BTRC: variants seen among roughly 807,000 people sequenced by gnomAD.
BTRC encodes the protein beta-transducin repeat containing E3 ubiquitin protein ligase, also known as F-box/WD repeat-containing protein 1A.
BTRC carries 42 observed loss-of-function variants against 85.5 expected under a neutral mutation model. The ratio of observed to expected loss-of-function variants is 0.49; its 90% CI spans 0.38 to 0.64. The LOEUF (loss-of-function observed/expected upper bound fraction) is 0.64. Ranked by LOEUF, BTRC falls within the 30% of genes least tolerant of loss-of-function variation. BTRC has a pLI of 0.00. For synonymous variants in BTRC, 255 were observed against 263.3 expected, an observed-to-expected ratio of 0.97 and a Z score of 0.30; for missense variants, 594 against 743.5, an observed-to-expected ratio of 0.80 and a Z score of 2.34.
intron 4 of BTRC, among the ~76,000 whole-genome samples, chr10:101,497,912 C>G (rs931001323): frequency 6.6e-6 from 1 of 151,944 alleles, no homozygotes; most frequent in Non-Finnish European, 1.5e-5. Flanking sequence ...CCAAGCTACT[C>G]AGGAGGCTGA....
intron 1 of BTRC, among the ~76,000 whole-genome samples, chr10:101,362,043 C>T (rs1161193365): frequency 6.6e-6 from 1 of 152,168 alleles, no homozygotes; most frequent in Non-Finnish European, 1.5e-5. Flanking sequence ...TCACTGCAAC[C>T]CCCGACTCCC....
chr10:101,510,796 G>A (rs907275852), intron 4 of BTRC, among the ~76,000 whole-genome samples: 2 of 152,050 alleles, frequency 1.3e-5, no homozygotes, highest in Non-Finnish European at 2.9e-5. Flanking sequence ...TTCTCAACAG[G>A]GGATTTCTCC....
At chr10:101,433,594 G>C (rs1195823713) in intron 2 of BTRC, among the ~76,000 whole-genome samples, 1 of 152,162 alleles carries the variant, frequency 6.6e-6, no homozygotes, top group Non-Finnish European at 1.5e-5. Context: ...TGTTGTTTCA[G>C]AGAATAAAGA....
intron 2 of BTRC, among the ~76,000 whole-genome samples, chr10:101,441,672 G>A (rs571384754): frequency 1.3e-5 from 2 of 152,184 alleles, no homozygotes; most frequent in East Asian, 1.9e-4. Flanking sequence ...CTGAGCTCAC[G>A]AATTTGAGAC....
At chr10:101,359,793 C>T (rs1590195998) in intron 1 of BTRC, among the ~76,000 whole-genome samples, 1 of 151,898 alleles carries the variant, frequency 6.6e-6, no homozygotes, top group Non-Finnish European at 1.5e-5. Context: ...AGAGACAGGG[C>T]TTTTCCATGT....
At chr10:101,540,926 A>G (rs759826592) in intron 13 of BTRC, among the ~76,000 whole-genome samples, 13 of 152,332 alleles carry the variant, frequency 8.5e-5, no homozygotes, top group Non-Finnish European at 1.5e-4. Context: ...AGCTTTTAGT[A>G]TAAAGGTTTT....
chr10:101,527,669 G>T (rs903822875), intron 6 of BTRC, among the ~76,000 whole-genome samples: 3 of 151,986 alleles, frequency 2.0e-5, no homozygotes, highest in Admixed American at 2.0e-4. Context: ...TGGGAGGATG[G>T]CTTGAGTCTG....
At chr10:101,411,603 T>C (rs1012386708) in intron 1 of BTRC, among the ~76,000 whole-genome samples, 1 of 152,204 alleles carries the variant, frequency 6.6e-6, no homozygotes, top group Non-Finnish European at 1.5e-5. Flanking sequence ...ATTTCAAACA[T>C]TGTATTTTTC....
At chr10:101,409,324 A>G (rs917273697) in intron 1 of BTRC, among the ~76,000 whole-genome samples, 2 of 152,200 alleles carry the variant, frequency 1.3e-5, no homozygotes, top group African/African-American at 2.4e-5. Context: ...GAAGCATACA[A>G]TATGTGACTT....
intron 4 of BTRC, among the ~76,000 whole-genome samples, chr10:101,503,084 T>G: frequency 6.6e-6 from 1 of 152,134 alleles, no homozygotes; most frequent in Non-Finnish European, 1.5e-5. Flanking sequence ...CCCAGAGAAG[T>G]TAATTAATTT....
intron 1 of BTRC, among the ~76,000 whole-genome samples, chr10:101,399,525 C>G (rs1943445774): frequency 6.6e-6 from 1 of 152,102 alleles, no homozygotes; most frequent in South Asian, 2.1e-4. Context: ...GAAAGACTGT[C>G]AGTACCTATA....
intron 1 of BTRC, among the ~76,000 whole-genome samples, chr10:101,402,068 A>G (rs1943506671): frequency 6.6e-6 from 1 of 152,144 alleles, no homozygotes; most frequent in South Asian, 2.1e-4. Flanking sequence ...AAAAGTCTAT[A>G]TTAATTTGCT....
intron 4 of BTRC, among the ~76,000 whole-genome samples, chr10:101,495,216 G>A (rs1298048162): frequency 6.6e-6 from 1 of 152,170 alleles, no homozygotes; most frequent in African/African-American, 2.4e-5. Flanking sequence ...GGTAGGAAGT[G>A]TTTGGTAACA....
intron 4 of BTRC, among the ~76,000 whole-genome samples, chr10:101,482,630 C>T (rs1945869794): frequency 6.6e-6 from 1 of 151,006 alleles, no homozygotes; most frequent in African/African-American, 2.4e-5. Context: ...CTCCTGACGT[C>T]GTGATCCGCT....
intron 1 of BTRC, among the ~76,000 whole-genome samples, chr10:101,421,460 G>A (rs1315326360): frequency 2.0e-4 from 31 of 151,626 alleles, no homozygotes; most frequent in Admixed American, 2.0e-3. Flanking sequence ...AACCTCCCTG[G>A]GTCTGTTTAT....
intron 5 of BTRC, 24 bp downstream of exon 5, chr10:101,521,894 C>G (rs1376665188): frequency 6.5e-7 from 1 of 1,549,960 alleles, no homozygotes; most frequent in Non-Finnish European, 8.9e-7. Context: ...TGTTTGTAAA[C>G]CATTAATTTG....
intron 2 of BTRC, among the ~76,000 whole-genome samples, chr10:101,448,395 A>G (rs1314525200): frequency 1.3e-5 from 2 of 152,102 alleles, no homozygotes; most frequent in Non-Finnish European, 2.9e-5. Flanking sequence ...AAATTTATTA[A>G]ATTACCCCTG....
intron 6 of BTRC, among the ~76,000 whole-genome samples, chr10:101,530,154 C>T (rs2062258771): frequency 6.6e-6 from 1 of 152,090 alleles, no homozygotes; most frequent in Non-Finnish European, 1.5e-5. Context: ...ATGTTGCTCA[C>T]TGGAATCAGG....
At chr10:101,430,131 TTC>T (rs1176112121) in intron 1 of BTRC, among the ~76,000 whole-genome samples, 9 of 152,244 alleles carry the variant, frequency 5.9e-5, no homozygotes, top group African/African-American at 2.2e-4. Flanking sequence ...GAACGATAAC[TTC>T]TTTTTTTACC....
Sources: allele counts gnomAD v4.1 joint callset (sites outside exome capture counted in the v4.1 genomes callset), GRCh38; gene constraint gnomAD v4.1.1; transcripts MANE v1.5; gene names NCBI Gene and HGNC (gene_info 2026-07-23, HGNC 2026-07-21).